The following ITGB5 variants were observed in gnomAD, a reference collection of about 807,000 sequenced individuals.
The protein encoded by ITGB5 is integrin subunit beta 5.
A neutral mutation model predicts 84.8 loss-of-function variants in ITGB5; 38 were observed. The ratio of observed to expected loss-of-function variants is 0.45; its 90% CI spans 0.35 to 0.59. The LOEUF is 0.59. ITGB5 is among the 20% of genes least tolerant of loss of function. The pLI, the probability that ITGB5 is intolerant of heterozygous loss-of-function variation, is 0.01. For missense variants in ITGB5, 905 were observed against 1,034.5 expected (o/e 0.87, Z 1.72); for synonymous variants, 393 against 414.4 (o/e 0.95, Z 0.63).
intron 10 of ITGB5, among the ~76,000 whole-genome samples, chr3:124,786,805 C>A (rs1041143517): frequency 6.6e-6 from 1 of 152,218 alleles, no homozygotes; most frequent in African/African-American, 2.4e-5. Flanking sequence ...CACTGAGCAG[C>A]AGAAGCCTGT....
Position 124,875,806 on chromosome 3 carries a change from G to T in ITGB5, c.71-2275C>A, listed in dbSNP as rs138736950. Among the ~76,000 whole-genome samples, 262 of 152,296 alleles carry T rather than the reference G, an allele frequency of 1.7e-3. 1 individual carries two copies. Among genetic ancestry groups the T allele is most frequent in the African/African-American group, 6.0e-3 (251 of 41,564 alleles). ...TTAAAAAGTGGTATACACATACAAT[G>T]TAATCTATTCAGCCTTAAAAAATTG... is the stretch of plus-strand genomic sequence containing the variant. On this transcript the variant is annotated intron_variant, in intron 1 of 14. Transcript: ENST00000296181.
upstream of ITGB5, among the ~76,000 whole-genome samples, chr3:124,891,498 A>G (rs192433299): frequency 1.3e-4 from 20 of 150,232 alleles, no homozygotes; most frequent in Admixed American, 4.0e-4. Context: ...TGAGCAACAT[A>G]GGGAGACTGA....
intron 13 of ITGB5, 71 bp downstream of exon 13, chr3:124,766,155 G>A: frequency 6.5e-7 from 1 of 1,530,332 alleles, no homozygotes. Flanking sequence ...TGGTCCCAGA[G>A]CAGAGAATGG....
At chr3:124,812,647 G>A (rs926892994) in intron 8 of ITGB5, among the ~76,000 whole-genome samples, 2 of 152,128 alleles carry the variant, frequency 1.3e-5, no homozygotes, top group African/African-American at 4.8e-5. Flanking sequence ...TTATTACAGA[G>A]CAAAGCACCA....
chr3:124,806,370 C>T lies in ITGB5; in HGVS notation c.1263+2652G>A, dbSNP rs147299316. Among the ~76,000 whole-genome samples, 1,103 of 149,924 alleles carry T rather than the reference C, an allele frequency of 7.4e-3. 9 individuals are homozygous for T. The highest frequency in any genetic ancestry group is 0.012 in the Non-Finnish European group (821 of 67,744). ...TACACCAAACATTCCACCCACAGATCTATAGAATTCACTTACATGTTGTTG... is the reference window on the plus strand; with the variant it reads ...TACACCAAACATTCCACCCACAGATTTATAGAATTCACTTACATGTTGTTG... On this transcript the variant is annotated intron_variant, in intron 9 of 14. Transcript: ENST00000296181.
chr3:124,851,685 A>G (rs1244231654), intron 3 of ITGB5, among the ~76,000 whole-genome samples: 1 of 152,098 alleles, frequency 6.6e-6, no homozygotes, highest in Non-Finnish European at 1.5e-5. Context: ...TGTTAAAAAG[A>G]AATAGTGTGC....
intron 5 of ITGB5, among the ~76,000 whole-genome samples, chr3:124,835,565 G>A (rs1009901106): frequency 1.3e-5 from 2 of 152,204 alleles, no homozygotes; most frequent in East Asian, 1.9e-4. Flanking sequence ...CCTGTGGTGC[G>A]ATCTGCTAGC....
At chr3:124,775,379 TGTGTTG>T (rs1324909514) in intron 10 of ITGB5, among the ~76,000 whole-genome samples, 1 of 151,720 alleles carries the variant, frequency 6.6e-6, no homozygotes, top group Non-Finnish European at 1.5e-5. Context: ...AGCATCTGTG[TGTGTTG>T]GAGTGTGTGT....
In ITGB5 at chr3:124,763,387, C is replaced by T; in HGVS notation, c.*236G>A. The T allele has an allele frequency of 2.8e-6, 1 of 362,818 alleles. No homozygotes were observed. Among genetic ancestry groups the T allele is most frequent in the Non-Finnish European group, 5.1e-6 (1 of 197,796 alleles). The allele number at this position is 362,818 out of a possible 1,614,324, so 22.5% of individuals were successfully genotyped here. A position where few individuals can be genotyped will look rare whatever the true frequency, so the allele number is the denominator to read the frequency against. ...GGAAAGCTGAGAGCGCCAAGGTCCC[C>T]TTGCTTTATCCCAAGCTCGGAGGGA... On this transcript the variant is annotated 3_prime_UTR_variant, in exon 15 of 15. Transcript: ENST00000296181.
At chr3:124,796,947 C>A in intron 9 of ITGB5, 130 bp from the exon 10 acceptor site, 1 of 830,942 alleles carries the variant, frequency 1.2e-6, no homozygotes, top group Non-Finnish European at 1.8e-6. Context: ...GTAGAACCAC[C>A]AAGATGGCCG....
chr3:124,877,849 T>TA (rs1934396007), intron 1 of ITGB5, among the ~76,000 whole-genome samples: 1 of 120,246 alleles, frequency 8.3e-6, no homozygotes, highest in Non-Finnish European at 1.8e-5. Context: ...CAAAGCCACA[T>TA]AATTTTTTTT....
intron 9 of ITGB5, among the ~76,000 whole-genome samples, chr3:124,803,451 C>T (rs562922386): frequency 6.6e-6 from 1 of 152,292 alleles, no homozygotes; most frequent in African/African-American, 2.4e-5. Flanking sequence ...AGCAGTAATG[C>T]CCCCACCACA....
At chr3:124,883,018 G>A (rs950044275) in intron 1 of ITGB5, among the ~76,000 whole-genome samples, 10 of 152,222 alleles carry the variant, frequency 6.6e-5, no homozygotes, top group African/African-American at 1.7e-4. Flanking sequence ...CATTCGAACC[G>A]GAAAGAAGGA....
At chr3:124,894,944 C>T (rs1364547412) in intron 1 of ITGB5, among the ~76,000 whole-genome samples, 1 of 151,994 alleles carries the variant, frequency 6.6e-6, no homozygotes, top group Non-Finnish European at 1.5e-5. Context: ...CCCTCCCCCC[C>T]AAATCTTACA....
chr3:124,777,192 A>G (rs2063938599), intron 10 of ITGB5, among the ~76,000 whole-genome samples: 1 of 152,166 alleles, frequency 6.6e-6, no homozygotes, highest in Admixed American at 6.5e-5. Context: ...CGTTCCTTGG[A>G]GAGGGACAAG....
chr3:124,807,847 CAGG>C (rs1229018068), intron 9 of ITGB5, among the ~76,000 whole-genome samples: 1 of 141,060 alleles, frequency 7.1e-6, no homozygotes, highest in African/African-American at 2.6e-5. Flanking sequence ...GAGGCTGAGG[CAGG>C]AGAATGGCGT....
chr3:124,821,577 G>A lies in ITGB5; in HGVS notation c.781-103C>T. 3.9e-6 allele frequency: 5 copies of A among 1,266,848 alleles called. No homozygotes were observed. The East Asian group carries it at 9.3e-5, about 24-fold the overall frequency. The allele number at this position is 1,266,848 out of a possible 1,614,324, so 78.5% of individuals were successfully genotyped here. ...TCCAGGAGTCACGGCCTGAATCAGAGGCATTCCCCTTGCCATGTGTACCTG... is the reference window on the plus strand; with the variant it reads ...TCCAGGAGTCACGGCCTGAATCAGAAGCATTCCCCTTGCCATGTGTACCTG... On this transcript the variant is annotated intron_variant, in intron 5 of 14. Coordinates refer to ENST00000296181, the MANE Select transcript of ITGB5 (RefSeq NM_002213.5).
chr3:124,887,662 G>A (rs61760562), upstream of ITGB5: 20,517 of 448,084 alleles, frequency 0.046, 616 homozygotes, highest in African/African-American at 0.087. Context: ...GCCGCCCGTC[G>A]CCACGGGAAA....
At chr3:124,830,567 C>A (rs150089084) in intron 5 of ITGB5, among the ~76,000 whole-genome samples, 1 of 152,290 alleles carries the variant, frequency 6.6e-6, no homozygotes, top group East Asian at 1.9e-4. Context: ...CTGGAAGGAA[C>A]CTCAGAGGTT....
Sources: allele counts gnomAD v4.1 joint callset (sites outside exome capture counted in the v4.1 genomes callset), GRCh38; gene constraint gnomAD v4.1.1; transcripts MANE v1.5; gene names NCBI Gene and HGNC (gene_info 2026-07-23, HGNC 2026-07-21).